KCNMA1: variants seen among roughly 807,000 people sequenced by gnomAD.
KCNMA1 encodes potassium calcium-activated channel subfamily M alpha 1, also known as Calcium-activated potassium channel subunit alpha-1.
In KCNMA1, 29 loss-of-function variants were observed where a neutral mutation model predicts 140.0. The observed-to-expected ratio is 0.21, with a 90% CI of 0.15 to 0.28. The LOEUF is 0.28. Among genes scored for constraint, KCNMA1 ranks in the 10% least tolerant of loss-of-function variants. KCNMA1 has a pLI of 1.00. For synonymous variants in KCNMA1, 612 were observed against 611.9 expected, an observed-to-expected ratio of 1.00 and a Z score of 0.00; for missense variants, 880 against 1,602.2, an observed-to-expected ratio of 0.55 and a Z score of 7.70.
intron 7 of KCNMA1, 120 bp from the exon 8 acceptor site, chr10:77,110,463 C>CATCTCGTGTG: frequency 1.2e-6 from 1 of 853,924 alleles, no homozygotes. Context: ...ACTCTCCACA[C>CATCTCGTGTG]GAGATGTGTG....
At chr10:77,204,106 A>G (rs1565195275) in intron 3 of KCNMA1, among the ~76,000 whole-genome samples, 1 of 151,990 alleles carries the variant, frequency 6.6e-6, no homozygotes, top group Non-Finnish European at 1.5e-5. Context: ...AGGAAAAAAA[A>G]AAAAAAGAAA....
intron 20 of KCNMA1, among the ~76,000 whole-genome samples, chr10:76,964,739 C>T (rs567825038): frequency 2.0e-5 from 3 of 152,214 alleles, no homozygotes; most frequent in South Asian, 2.1e-4. Context: ...AATGACCCCA[C>T]GAAAGGTTTG....
chr10:77,182,309 C>T (rs1008542400), intron 5 of KCNMA1, among the ~76,000 whole-genome samples: 14 of 152,114 alleles, frequency 9.2e-5, no homozygotes, highest in South Asian at 2.1e-4. Flanking sequence ...GAATATACTG[C>T]GATACAAACA....
At chr10:77,144,272 T>C (rs1325571422) in intron 5 of KCNMA1, among the ~76,000 whole-genome samples, 2 of 152,258 alleles carry the variant, frequency 1.3e-5, no homozygotes, top group African/African-American at 4.8e-5. Context: ...TACAACAATA[T>C]ATACAAATAT....
At chr10:77,130,151 A>G (rs1237301107) in intron 5 of KCNMA1, among the ~76,000 whole-genome samples, 1 of 152,202 alleles carries the variant, frequency 6.6e-6, no homozygotes, top group Non-Finnish European at 1.5e-5. Flanking sequence ...TCAACTTACA[A>G]TGGTTCAACT....
At chr10:77,441,233 T>C (rs1480527789) in intron 1 of KCNMA1, among the ~76,000 whole-genome samples, 1 of 152,124 alleles carries the variant, frequency 6.6e-6, no homozygotes, top group Non-Finnish European at 1.5e-5. Context: ...GGGTCTGAAC[T>C]TTGCCTTATA....
chr10:77,314,123 A>G (rs2080108799), intron 2 of KCNMA1: 1 of 152,216 alleles, frequency 6.6e-6, no homozygotes, highest in Non-Finnish European at 1.5e-5. Context: ...AGTAAAGGTG[A>G]GTACAGGAAA....
In KCNMA1 at chr10:77,040,062, AAG is replaced by A. The variant is rs113266593; in HGVS notation, c.1750-427_1750-426del. 1.8e-3 allele frequency among the ~76,000 whole-genome samples: 259 copies of A among 140,118 alleles called. 1 individual carries two copies. The highest frequency in any genetic ancestry group is 6.3e-3 in the African/African-American group (247 of 39,360). 91.9% of individuals were successfully genotyped at this position (140,118 alleles called of 152,430 possible). A position where few individuals can be genotyped will look rare whatever the true frequency, so the allele number is the denominator to read the frequency against. ...CACACCTGGCAATTTTTTTTTTTTT[AAG>A]AGACAGAGTCTTGCTATGTTGCCCA... On this transcript the variant is annotated intron_variant, in intron 14 of 27. Transcript: ENST00000286628.
At chr10:77,337,481 G>A (rs75998239) in intron 2 of KCNMA1, among the ~76,000 whole-genome samples, 1 of 152,142 alleles carries the variant, frequency 6.6e-6, no homozygotes, top group African/African-American at 2.4e-5. Context: ...TTAGCTGGGT[G>A]TGGTGCTGCA....
At chr10:77,501,703 C>T (rs1476605777) in intron 1 of KCNMA1, among the ~76,000 whole-genome samples, 3 of 152,192 alleles carry the variant, frequency 2.0e-5, no homozygotes, top group African/African-American at 2.4e-5. Context: ...CAGCATGCAG[C>T]GGACTCCTGG....
intron 15 of KCNMA1, among the ~76,000 whole-genome samples, chr10:77,035,165 A>T (rs2153561165): frequency 6.6e-6 from 1 of 152,362 alleles, no homozygotes; most frequent in African/African-American, 2.4e-5. Flanking sequence ...GTAACTGGAA[A>T]ATCTCGGAGA....
chr10:77,380,163 T>C (rs1409107022), intron 2 of KCNMA1, among the ~76,000 whole-genome samples: 1 of 152,224 alleles, frequency 6.6e-6, no homozygotes, highest in Non-Finnish European at 1.5e-5. Flanking sequence ...TGTTGTCGTC[T>C]GAAAGTTCTT....
chr10:77,242,019 G>T (rs2057390947), intron 3 of KCNMA1, among the ~76,000 whole-genome samples: 1 of 152,036 alleles, frequency 6.6e-6, no homozygotes, highest in East Asian at 1.9e-4. Flanking sequence ...CCCACACTGT[G>T]GCCTGTTTGC....
intron 20 of KCNMA1, among the ~76,000 whole-genome samples, chr10:76,955,090 A>T (rs557885352): frequency 8.6e-4 from 131 of 152,328 alleles, no homozygotes; most frequent in Non-Finnish European, 1.7e-3. Context: ...TAATATTGTC[A>T]ACACAAGACA....
intron 3 of KCNMA1, among the ~76,000 whole-genome samples, chr10:77,227,416 TG>T (rs1235576683): frequency 8.5e-5 from 13 of 152,176 alleles, no homozygotes; most frequent in Admixed American, 3.9e-4. Flanking sequence ...ATGACATCAA[TG>T]CTATACTCCC....
intron 18 of KCNMA1, among the ~76,000 whole-genome samples, chr10:77,007,221 G>C (rs538976527): frequency 6.6e-6 from 1 of 152,310 alleles, no homozygotes; most frequent in South Asian, 2.1e-4. Flanking sequence ...TCAGACACTT[G>C]TATTGACTTG....
intron 2 of KCNMA1, among the ~76,000 whole-genome samples, chr10:77,337,818 C>A (rs1478032488): frequency 6.6e-6 from 1 of 152,182 alleles, no homozygotes; most frequent in African/African-American, 2.4e-5. Flanking sequence ...GAAACATCAG[C>A]AGAAGTGGCA....
chr10:76,999,483 A>G (rs1328344774), intron 19 of KCNMA1, among the ~76,000 whole-genome samples: 3 of 152,168 alleles, frequency 2.0e-5, no homozygotes, highest in African/African-American at 7.2e-5. Flanking sequence ...TCAGTCAAAG[A>G]GATGTGACCA....
chr10:77,486,858 C>T (rs1425258857), intron 1 of KCNMA1, among the ~76,000 whole-genome samples: 1 of 152,250 alleles, frequency 6.6e-6, no homozygotes. Flanking sequence ...GGTTTCCCTT[C>T]CTCCCTAGTC....
Sources: gnomAD v4.1 joint callset for allele counts (sites outside exome capture counted in the v4.1 genomes callset) on GRCh38, gnomAD v4.1.1 for gene constraint, MANE v1.5 for transcripts, NCBI Gene and HGNC (gene_info 2026-07-23, HGNC 2026-07-21) for gene names.